PRPH2: variants seen among roughly 807,000 people sequenced by gnomAD.
PRPH2 encodes the protein peripherin 2, also known as peripherin-2.
PRPH2 carries 17 observed loss-of-function variants against 31.3 expected under a neutral mutation model. That is an observed-to-expected ratio of 0.54 (90% CI 0.37 to 0.81). The LOEUF (loss-of-function observed/expected upper bound fraction) is 0.81. PRPH2 is among the 40% of genes least tolerant of loss of function. PRPH2 has a pLI of 0.00. For synonymous variants in PRPH2, 165 were observed against 184.4 expected (o/e 0.89, Z 0.85); for missense variants, 430 against 439.7 (o/e 0.98, Z 0.20).
chr6:42,712,945 C>G (rs183611911), intron 1 of PRPH2, among the ~76,000 whole-genome samples: 1 of 152,074 alleles, frequency 6.6e-6, no homozygotes, highest in Non-Finnish European at 1.5e-5. Context: ...GAACTACAGG[C>G]CTGGCACAGT....
At chr6:42,701,861 T>C (rs1800052160) in intron 2 of PRPH2, among the ~76,000 whole-genome samples, 1 of 151,922 alleles carries the variant, frequency 6.6e-6, no homozygotes, top group Non-Finnish European at 1.5e-5. Flanking sequence ...TATGTTCCTC[T>C]CCTCATTCTA....
rs745427463 is a variant in PRPH2 at position 42,722,297 on chromosome 6, C to A, written c.38G>T (p.Arg13Leu). ...LLKVKFDQKK[R>L]VKLAQGLWLM... Reference sequence around the variant, plus strand: ...CCAGAGCCCTTGGGCCAACTTGACCCGCTTCTTCTGGTCAAACTTGACTTT... The same window carrying A: ...CCAGAGCCCTTGGGCCAACTTGACCAGCTTCTTCTGGTCAAACTTGACTTT... The change falls in exon 1 of 3, where the codon CGG becomes CTG. Residue 13 changes from arginine (R) to leucine (L), a missense_variant. Coordinates refer to ENST00000230381, the MANE Select transcript of PRPH2 (RefSeq NM_000322.5). This position sits in a 1 kb window ranked among gnomAD's most constrained non-coding sequence, Gnocchi z 4.4. 1.2e-6 allele frequency: 2 copies of A among 1,614,078 alleles called. No homozygotes were observed. The highest frequency in any genetic ancestry group is 1.7e-6 in the Non-Finnish European group (2 of 1,180,044).
At chr6:42,708,428 G>A (rs977643491) in intron 1 of PRPH2, among the ~76,000 whole-genome samples, 9 of 152,240 alleles carry the variant, frequency 5.9e-5, no homozygotes, top group Non-Finnish European at 5.9e-5. Flanking sequence ...TGTTGGTGAC[G>A]GAAGTGGGGC....
At chr6:42,706,274 G>A (rs751395033) in intron 1 of PRPH2, among the ~76,000 whole-genome samples, 3 of 151,576 alleles carry the variant, frequency 2.0e-5, no homozygotes, top group Admixed American at 6.6e-5. Context: ...GCGTTGTGGC[G>A]GGCTCTTGTA....
chr6:42,721,071 A>G (rs948856458), intron 1 of PRPH2, among the ~76,000 whole-genome samples: 2 of 152,222 alleles, frequency 1.3e-5, no homozygotes, highest in African/African-American at 4.8e-5. Flanking sequence ...GCTGCATGCC[A>G]GCTACCAGGC....
At chr6:42,720,853 G>A (rs1052103529) in intron 1 of PRPH2, among the ~76,000 whole-genome samples, 7 of 152,334 alleles carry the variant, frequency 4.6e-5, no homozygotes, top group African/African-American at 1.4e-4. Flanking sequence ...CAGGTTGGTG[G>A]GTGTGTTGGG....
In PRPH2 at chr6:42,709,198, C is replaced by T. The variant is rs184491210; in HGVS notation, c.582-4587G>A. Reference sequence around the variant, plus strand: ...ACAAAAAATTAGCCGGGCGTGGTGGCGGGCGCCTGTAATCCTAGCTACTGG... The same window carrying T: ...ACAAAAAATTAGCCGGGCGTGGTGGTGGGCGCCTGTAATCCTAGCTACTGG... On this transcript the variant is annotated intron_variant, in intron 1 of 2. Coordinates refer to ENST00000230381, the MANE Select transcript of PRPH2 (RefSeq NM_000322.5). Among the ~76,000 whole-genome samples, 106 of 152,072 alleles carry T rather than the reference C, an allele frequency of 7.0e-4. 2 individuals carry two copies. In the East Asian group the frequency reaches 0.019, roughly 27 times the overall value.
chr6:42,722,585 G>A lies in PRPH2; in HGVS notation c.-251C>T, dbSNP rs1761927594. 8.7e-6 allele frequency: 12 copies of A among 1,386,496 alleles called. No individual in the cohort carries two copies. The highest frequency in any genetic ancestry group is 6.1e-5 in the South Asian group (4 of 65,848). The allele number at this position is 1,386,496 out of a possible 1,614,324, so 85.9% of individuals were successfully genotyped here. Reference sequence around the variant, plus strand: ...TGGTCCTGGGCGTTGTTTCTTCAGCGCCCTTCCCAGCCAAGAAGGGGCAGC... The same window carrying A: ...TGGTCCTGGGCGTTGTTTCTTCAGCACCCTTCCCAGCCAAGAAGGGGCAGC... On this transcript the variant is annotated 5_prime_UTR_variant, in exon 1 of 3. Coordinates refer to ENST00000230381, the MANE Select transcript of PRPH2 (RefSeq NM_000322.5). This position sits in a 1 kb window ranked among gnomAD's most constrained non-coding sequence, Gnocchi z 4.4.
At chr6:42,716,538 T>G (rs1276091870) in intron 1 of PRPH2, among the ~76,000 whole-genome samples, 2 of 151,040 alleles carry the variant, frequency 1.3e-5, no homozygotes, top group Admixed American at 1.3e-4. Flanking sequence ...CACCTCAGCT[T>G]CCCAAGTAGC....
At chr6:42,704,826 G>A (rs1463235606) in intron 1 of PRPH2, among the ~76,000 whole-genome samples, 2 of 152,214 alleles carry the variant, frequency 1.3e-5, no homozygotes, top group African/African-American at 4.8e-5. Flanking sequence ...TGAGGTAGAC[G>A]GTAATCCAAG....
intron 2 of PRPH2, among the ~76,000 whole-genome samples, chr6:42,699,557 A>G (rs1235939729): frequency 6.6e-6 from 1 of 152,016 alleles, no homozygotes; most frequent in Admixed American, 6.6e-5. Context: ...AGTGGTGCCC[A>G]CCCCGTGTGG....
intron 2 of PRPH2, among the ~76,000 whole-genome samples, chr6:42,700,246 G>A (rs558607148): frequency 5.5e-4 from 84 of 152,320 alleles, no homozygotes; most frequent in African/African-American, 2.0e-3. Context: ...GATTACAGGC[G>A]TGAGCCACCA....
intron 1 of PRPH2, among the ~76,000 whole-genome samples, chr6:42,719,900 A>G (rs536451938): frequency 2.6e-5 from 4 of 152,282 alleles, no homozygotes; most frequent in African/African-American, 9.6e-5. Context: ...ATTACACTGT[A>G]TGATTATGTA....
chr6:42,703,152 C>A (rs927752039), intron 2 of PRPH2, among the ~76,000 whole-genome samples: 2 of 152,082 alleles, frequency 1.3e-5, no homozygotes, highest in African/African-American at 4.8e-5. Context: ...TACGATCATG[C>A]CCCTGCACTC....
chr6:42,721,117 A>G (rs943437287), intron 1 of PRPH2, among the ~76,000 whole-genome samples: 4 of 152,148 alleles, frequency 2.6e-5, no homozygotes, highest in Non-Finnish European at 5.9e-5. Flanking sequence ...TACCTATTCT[A>G]TTCCAGTGCT....
chr6:42,701,241 C>T (rs1385806545), intron 2 of PRPH2, among the ~76,000 whole-genome samples: 2 of 152,160 alleles, frequency 1.3e-5, no homozygotes, highest in East Asian at 3.9e-4. Context: ...TCTCCTGCCT[C>T]AGCCCCCAAG....
chr6:42,709,549 G>T (rs1178388050), intron 1 of PRPH2, among the ~76,000 whole-genome samples: 1 of 152,128 alleles, frequency 6.6e-6, no homozygotes, highest in Non-Finnish European at 1.5e-5. Context: ...CGATCTTATG[G>T]CCTAGAGGGT....
At chr6:42,702,682 C>T (rs79831259) in intron 2 of PRPH2, among the ~76,000 whole-genome samples, 1 of 150,402 alleles carries the variant, frequency 6.6e-6, no homozygotes, top group Non-Finnish European at 1.5e-5. Flanking sequence ...CCAGCTTGGC[C>T]AACATGGTAA....
intron 1 of PRPH2, 22 bp downstream of exon 1, chr6:42,721,732 C>G (rs376120359): frequency 3.7e-6 from 6 of 1,613,584 alleles, no homozygotes; most frequent in South Asian, 2.2e-5. Flanking sequence ...TAGCTCTGAC[C>G]CCAGGACTGG....
Sources: allele counts gnomAD v4.1 joint callset (sites outside exome capture counted in the v4.1 genomes callset), GRCh38; gene constraint gnomAD v4.1.1; non-coding constraint Gnocchi (gnomAD v3.1); transcripts MANE v1.5; gene names NCBI Gene and HGNC (gene_info 2026-07-23, HGNC 2026-07-21).